The following ANO2 variants were observed in gnomAD, a reference collection of about 807,000 sequenced individuals.
The protein encoded by ANO2 is anoctamin-2.
A neutral mutation model predicts 124.2 loss-of-function variants in ANO2; 101 were observed. That is an observed-to-expected ratio of 0.81 (90% CI 0.69 to 0.96). ANO2 has a LOEUF of 0.96. Ranked by LOEUF, ANO2 falls within the 40% of genes least tolerant of loss-of-function variation. The pLI, the probability that ANO2 is intolerant of heterozygous loss-of-function variation, is 0.00. For synonymous variants in ANO2, 486 were observed against 482.5 expected (o/e 1.01, Z -0.09); for missense variants, 1,293 against 1,274.5 (o/e 1.01, Z -0.22).
intron 10 of ANO2, among the ~76,000 whole-genome samples, chr12:5,754,683 C>A (rs1951527994): frequency 6.6e-6 from 1 of 152,056 alleles, no homozygotes; most frequent in Non-Finnish European, 1.5e-5. Flanking sequence ...TTATATGGTT[C>A]TAAGCATTTA....
Position 5,635,024 on chromosome 12 carries a change from C to T in ANO2, c.1816+128G>A, listed in dbSNP as rs938245987. On this transcript the variant is annotated intron_variant, in intron 16 of 24. Transcript: ENST00000682330. The surrounding 1 kb of genome is among the most constrained non-coding windows in gnomAD (Gnocchi z 5.2). ...ACACACACGTTGCACTTCCCCATTT[C>T]TCTAATTAAAATGCACTGTACAAAG... 12 of 819,692 alleles carry T rather than the reference C, an allele frequency of 1.5e-5. No homozygotes were observed. The highest frequency in any genetic ancestry group is 2.1e-5 in the Non-Finnish European group (12 of 566,590). The allele number at this position is 819,692 out of a possible 1,614,324, so 50.8% of individuals were successfully genotyped here. A position where few individuals can be genotyped will look rare whatever the true frequency, so the allele number is the denominator to read the frequency against.
At chr12:5,639,881 G>C (rs393861) in intron 15 of ANO2, among the ~76,000 whole-genome samples, 1 of 151,910 alleles carries the variant, frequency 6.6e-6, no homozygotes, top group African/African-American at 2.4e-5. Context: ...TATGATGAGA[G>C]TCCAGGCTGT....
intron 14 of ANO2, among the ~76,000 whole-genome samples, chr12:5,699,571 G>A (rs1156966058): frequency 6.6e-6 from 1 of 151,712 alleles, no homozygotes; most frequent in African/African-American, 2.4e-5. Flanking sequence ...CATAATGACA[G>A]GATCAAATTC....
In ANO2 at chr12:5,563,431, C is replaced by T; in HGVS notation, c.2865G>A (p.Leu955=). The T allele has an allele frequency of 3.1e-6, 5 of 1,613,350 alleles. No individual in the cohort carries two copies. Among genetic ancestry groups the T allele is most frequent in the Non-Finnish European group, 4.2e-6 (5 of 1,179,698 alleles). Residue 955 remains leucine (L), a synonymous_variant, in exon 25 of 25, where the codon CTG becomes CTA. Transcript: ENST00000682330. ...GGCTCCTCAGAGCCGGCTCATCCAT[C>T]AGCTTGAGCTTCTCATGCTCCTCTT... is the stretch of plus-strand genomic sequence containing the variant. ...FLKEEHEKLK[L]MDEPALRSPG...
intron 10 of ANO2, among the ~76,000 whole-genome samples, chr12:5,766,726 C>T (rs191955978): frequency 1.9e-4 from 29 of 152,310 alleles, no homozygotes; most frequent in African/African-American, 5.5e-4. Flanking sequence ...TCACATAATA[C>T]GCACACCAGC....
chr12:5,878,170 G>A (rs1938236749), intron 3 of ANO2, among the ~76,000 whole-genome samples: 1 of 152,230 alleles, frequency 6.6e-6, no homozygotes, highest in Non-Finnish European at 1.5e-5. Context: ...ATGACTCTCT[G>A]TCTATTAAAT....
intron 23 of ANO2, among the ~76,000 whole-genome samples, chr12:5,568,200 C>T (rs868208396): frequency 7.3e-6 from 1 of 136,686 alleles, no homozygotes; most frequent in Non-Finnish European, 1.5e-5. Context: ...AGTGCAGGAA[C>T]GTGATCTCGG....
At chr12:5,563,589 A>T in intron 24 of ANO2, 21 bp from the exon 25 acceptor site, 7 of 1,612,312 alleles carry the variant, frequency 4.3e-6, no homozygotes, top group Non-Finnish European at 4.2e-6. Flanking sequence ...CCAAGGAGAG[A>T]GGGGCTGAGT....
At chr12:5,917,086 G>A (rs1941424949) in intron 3 of ANO2, among the ~76,000 whole-genome samples, 1 of 152,160 alleles carries the variant, frequency 6.6e-6, no homozygotes, top group African/African-American at 2.4e-5. Flanking sequence ...TGAGAGGGAG[G>A]AGTCTGGGTG....
chr12:5,929,129 C>T (rs1410234403), intron 1 of ANO2, among the ~76,000 whole-genome samples: 1 of 94,790 alleles, frequency 1.1e-5, no homozygotes, highest in Non-Finnish European at 2.1e-5. Flanking sequence ...TTTCCTTACT[C>T]GTCTACCTTC....
At chr12:5,775,992 G>C (rs1469825953) in intron 10 of ANO2, among the ~76,000 whole-genome samples, 1 of 152,212 alleles carries the variant, frequency 6.6e-6, no homozygotes, top group Non-Finnish European at 1.5e-5. Flanking sequence ...TATCATGATT[G>C]AGGGTGAAGA....
intron 14 of ANO2, among the ~76,000 whole-genome samples, chr12:5,673,642 T>C (rs1948111709): frequency 6.6e-6 from 1 of 152,192 alleles, no homozygotes; most frequent in African/African-American, 2.4e-5. Context: ...ACATTCCATT[T>C]TAATGGTACT....
intron 14 of ANO2, among the ~76,000 whole-genome samples, chr12:5,654,153 T>C (rs185457857): frequency 6.6e-6 from 1 of 152,266 alleles, no homozygotes; most frequent in East Asian, 1.9e-4. Flanking sequence ...GCAGGGGTCA[T>C]AGAGGACAAA....
intron 14 of ANO2, among the ~76,000 whole-genome samples, chr12:5,699,110 C>T (rs1317914598): frequency 1.3e-5 from 2 of 152,046 alleles, no homozygotes; most frequent in East Asian, 3.9e-4. Context: ...AGGTACTCCT[C>T]GAGAAGAGCA....
intron 3 of ANO2, among the ~76,000 whole-genome samples, chr12:5,856,843 C>T (rs941473182): frequency 6.6e-6 from 1 of 152,188 alleles, no homozygotes; most frequent in African/African-American, 2.4e-5. Flanking sequence ...CTTACACTAA[C>T]GAATGCAAAA....
chr12:5,770,348 C>T (rs190083227), intron 10 of ANO2, among the ~76,000 whole-genome samples: 211 of 152,242 alleles, frequency 1.4e-3, no homozygotes, highest in Non-Finnish European at 2.4e-3. Flanking sequence ...GACATTTCCC[C>T]GTGAGTGGCT....
intron 19 of ANO2, among the ~76,000 whole-genome samples, chr12:5,606,375 T>A (rs1944222072): frequency 6.6e-6 from 1 of 152,240 alleles, no homozygotes; most frequent in Admixed American, 6.5e-5. Context: ...GCTACTGGTA[T>A]GCCTTTGACA....
rs182876149 is a variant in ANO2 at position 5,703,260 on chromosome 12, C to A, written c.1545+29260G>T. Among the ~76,000 whole-genome samples, 885 of 152,116 alleles carry A rather than the reference C, an allele frequency of 5.8e-3. 4 individuals carry two copies. The highest frequency in any genetic ancestry group is 7.8e-3 in the Non-Finnish European group (529 of 68,020). On this transcript the variant is annotated intron_variant, in intron 14 of 24. Transcript: ENST00000682330. ...GCTAAATAATATGTATAGTATAATACAATTTAGATGAAGTTTACAAACTGC... is the reference window on the plus strand; with the variant it reads ...GCTAAATAATATGTATAGTATAATAAAATTTAGATGAAGTTTACAAACTGC...
intron 10 of ANO2, among the ~76,000 whole-genome samples, chr12:5,794,368 T>C (rs1371273698): frequency 6.6e-6 from 1 of 152,134 alleles, no homozygotes; most frequent in Non-Finnish European, 1.5e-5. Flanking sequence ...ACAGACAAGG[T>C]CTGCAAGCCA....
Sources: allele counts gnomAD v4.1 joint callset (sites outside exome capture counted in the v4.1 genomes callset), GRCh38; gene constraint gnomAD v4.1.1; non-coding constraint Gnocchi (gnomAD v3.1); transcripts MANE v1.5; gene names NCBI Gene and HGNC (gene_info 2026-07-23, HGNC 2026-07-21).